Variants in ACTR3B observed in about 807,000 individuals in gnomAD.
ACTR3B encodes the protein actin-related protein 3B.
A neutral mutation model predicts 59.0 loss-of-function variants in ACTR3B; 8 were observed. That is an observed-to-expected ratio of 0.14 (90% CI 0.08 to 0.24). The LOEUF (loss-of-function observed/expected upper bound fraction) is 0.24. Among genes scored for constraint, ACTR3B ranks in the 10% least tolerant of loss-of-function variants. The pLI, the probability that ACTR3B is intolerant of heterozygous loss-of-function variation, is 1.00. For synonymous variants in ACTR3B, 148 were observed against 197.9 expected, an observed-to-expected ratio of 0.75 and a Z score of 2.12; for missense variants, 245 against 552.3, an observed-to-expected ratio of 0.44 and a Z score of 5.58.
At chr7:152,826,576 G>C (rs1459393120) in intron 9 of ACTR3B, among the ~76,000 whole-genome samples, 1 of 152,192 alleles carries the variant, frequency 6.6e-6, no homozygotes, top group African/African-American at 2.4e-5. Flanking sequence ...AAAGCTAGCG[G>C]GTCATGTCCT....
intron 1 of ACTR3B, among the ~76,000 whole-genome samples, chr7:152,763,313 CAAAAAAAAAAAAAAAAAAA>C (rs925259822): frequency 4.9e-5 from 1 of 20,492 alleles, no homozygotes; most frequent in Non-Finnish European, 1.0e-4. Flanking sequence ...GACTCCATCT[CAAAAAAAAAAAAAAAAAAA>C]AAAAAAAAAA....
chr7:152,818,647 C>T (rs1163869253), intron 6 of ACTR3B, among the ~76,000 whole-genome samples: 3 of 152,232 alleles, frequency 2.0e-5, no homozygotes, highest in Non-Finnish European at 4.4e-5. Context: ...TGGGGTTTCT[C>T]CATATTGGTC....
chr7:152,780,863 C>T (rs1178747467), intron 1 of ACTR3B, among the ~76,000 whole-genome samples: 69 of 96,440 alleles, frequency 7.2e-4, no homozygotes, highest in African/African-American at 2.0e-3. Context: ...TTTTTTTTTT[C>T]GAGACAGGAT....
chr7:152,799,711 A>C (rs1392206892), intron 2 of ACTR3B, among the ~76,000 whole-genome samples: 1 of 152,202 alleles, frequency 6.6e-6, no homozygotes, highest in Non-Finnish European at 1.5e-5. Context: ...GTTGTCAAGG[A>C]AGCCTTCAAG....
At chr7:152,783,532 A>C (rs2098161751) in intron 2 of ACTR3B, among the ~76,000 whole-genome samples, 1 of 152,086 alleles carries the variant, frequency 6.6e-6, no homozygotes, top group Admixed American at 6.6e-5. Context: ...TTGTAATTTT[A>C]AGTACATACA....
intron 1 of ACTR3B, among the ~76,000 whole-genome samples, chr7:152,774,095 C>G (rs1452528642): frequency 2.0e-5 from 3 of 152,180 alleles, no homozygotes; most frequent in Non-Finnish European, 4.4e-5. Context: ...GTCACCTTTT[C>G]TTTTCTCCAC....
At chr7:152,785,158 C>T (rs1244282623) in intron 2 of ACTR3B, among the ~76,000 whole-genome samples, 10 of 151,486 alleles carry the variant, frequency 6.6e-5, no homozygotes, top group Admixed American at 2.6e-4. Context: ...TTAAAGCTGT[C>T]GGTAGCATTC....
At chr7:152,764,100 G>C (rs1378470633) in intron 1 of ACTR3B, among the ~76,000 whole-genome samples, 1 of 151,498 alleles carries the variant, frequency 6.6e-6, no homozygotes, top group Non-Finnish European at 1.5e-5. Flanking sequence ...CTGCCTCCCG[G>C]GTTCAAGCGA....
chr7:152,844,472 T>A (rs1798113782), intron 9 of ACTR3B, among the ~76,000 whole-genome samples: 1 of 152,144 alleles, frequency 6.6e-6, no homozygotes, highest in African/African-American at 2.4e-5. Context: ...AAAATAGCCA[T>A]AATAGTGATT....
chr7:152,817,992 G>C (rs1198492831), intron 6 of ACTR3B, among the ~76,000 whole-genome samples: 1 of 152,186 alleles, frequency 6.6e-6, no homozygotes, highest in East Asian at 1.9e-4. Flanking sequence ...GTGGGGAGGA[G>C]AGGTGGCTGC....
intron 7 of ACTR3B, among the ~76,000 whole-genome samples, chr7:152,820,645 G>T (rs1796074133): frequency 6.6e-6 from 1 of 152,182 alleles, no homozygotes; most frequent in South Asian, 2.1e-4. Context: ...GGTTTCAGCT[G>T]TCACTGAGAA....
chr7:152,790,323 C>T (rs116785812), intron 2 of ACTR3B, among the ~76,000 whole-genome samples: 6,552 of 152,090 alleles, frequency 0.043, 314 homozygotes, highest in African/African-American at 0.15. Context: ...AATACATTTT[C>T]GAATATTGAA....
intron 2 of ACTR3B, among the ~76,000 whole-genome samples, chr7:152,789,043 A>G (rs1225489934): frequency 4.1e-3 from 387 of 94,226 alleles, no homozygotes; most frequent in African/African-American, 0.013. Flanking sequence ...AACAACAACA[A>G]CAACAACAAA....
At chr7:152,762,094 C>T (rs1239470005) in intron 1 of ACTR3B, among the ~76,000 whole-genome samples, 3 of 152,110 alleles carry the variant, frequency 2.0e-5, no homozygotes, top group Admixed American at 6.5e-5. Flanking sequence ...ATTTATTGGA[C>T]AGTGTGATAA....
chr7:152,761,828 A>G (rs1371271481), intron 1 of ACTR3B, among the ~76,000 whole-genome samples: 1 of 152,220 alleles, frequency 6.6e-6, no homozygotes, highest in African/African-American at 2.4e-5. Context: ...AAAAAGTGGT[A>G]AAATTCAGAT....
At chr7:152,829,071 C>T (rs1796818999) in intron 9 of ACTR3B, among the ~76,000 whole-genome samples, 1 of 151,342 alleles carries the variant, frequency 6.6e-6, no homozygotes, top group Non-Finnish European at 1.5e-5. Context: ...CACACACACA[C>T]ACATCAAGAG....
rs192060351 is a variant in ACTR3B at position 152,815,834 on chromosome 7, A to G, written c.433-647A>G. Among the ~76,000 whole-genome samples the G allele has an allele frequency of 4.6e-5, 7 of 152,370 alleles. No individual in the cohort carries two copies. In the East Asian group the frequency reaches 1.2e-3, roughly 25 times the overall value. On this transcript the variant is annotated intron_variant, in intron 5 of 11. Coordinates refer to ENST00000256001, the MANE Select transcript of ACTR3B (RefSeq NM_020445.6). ...AACTCCACAAGTGACCTCATTGCCAATCTGTGGCCCCACGCCGGAAACCAA... is the reference window on the plus strand; with the variant it reads ...AACTCCACAAGTGACCTCATTGCCAGTCTGTGGCCCCACGCCGGAAACCAA...
At chr7:152,815,259 G>C (rs1795595925) in intron 5 of ACTR3B, among the ~76,000 whole-genome samples, 1 of 152,250 alleles carries the variant, frequency 6.6e-6, no homozygotes, top group South Asian at 2.1e-4. Context: ...TCCATAGAAA[G>C]ATGAATTTGG....
At chr7:152,768,857 T>G (rs894862429) in intron 1 of ACTR3B, among the ~76,000 whole-genome samples, 4 of 146,822 alleles carry the variant, frequency 2.7e-5, no homozygotes, top group Non-Finnish European at 6.0e-5. Flanking sequence ...GGGCTTCCAA[T>G]TTTTTTTTTT....
Sources: allele counts gnomAD v4.1 joint callset (sites outside exome capture counted in the v4.1 genomes callset), GRCh38; gene constraint gnomAD v4.1.1; transcripts MANE v1.5; gene names NCBI Gene and HGNC (gene_info 2026-07-23, HGNC 2026-07-21).